SPINK1: variants seen among roughly 807,000 people sequenced by gnomAD.
SPINK1 encodes serine peptidase inhibitor Kazal type 1.
A neutral mutation model predicts 9.5 loss-of-function variants in SPINK1; 5 were observed. The observed-to-expected ratio is 0.52, with a 90% confidence interval of 0.27 to 1.10. The LOEUF is 1.10. Ranked by LOEUF, SPINK1 falls within the 50% of genes least tolerant of loss-of-function variation. The pLI is 0.11. For missense variants in SPINK1, 88 were observed against 92.7 expected, an observed-to-expected ratio of 0.95 and a Z score of 0.21; for synonymous variants, 37 against 32.3, an observed-to-expected ratio of 1.14 and a Z score of -0.49.
upstream of SPINK1, chr5:147,831,860 C>T: frequency 6.3e-6 from 8 of 1,275,388 alleles, no homozygotes; most frequent in Non-Finnish European, 8.1e-6. Flanking sequence ...TAGTTTGATC[C>T]CTAACTCCCT....
chr5:147,837,390 T>A, the SPINK1 span, among the ~76,000 whole-genome samples: 1 of 152,178 alleles, frequency 6.6e-6, no homozygotes, highest in Non-Finnish European at 1.5e-5. Flanking sequence ...AATTAGGGAC[T>A]GTGGACCTGT....
At chr5:147,825,353 G>A (rs988875588) in intron 3 of SPINK1, among the ~76,000 whole-genome samples, 10 of 151,536 alleles carry the variant, frequency 6.6e-5, no homozygotes, top group Admixed American at 1.3e-4. Context: ...TTGAATGTAC[G>A]GGCTTACAAA....
At chr5:147,827,815 TA>T in intron 3 of SPINK1, 2 of 464,774 alleles carry the variant, frequency 4.3e-6, no homozygotes, top group African/African-American at 2.0e-5. Flanking sequence ...TATTTTGCTG[TA>T]AAAAATATAG....
At chr5:147,825,343 T>C (rs1000137873) in intron 3 of SPINK1, among the ~76,000 whole-genome samples, 3 of 152,172 alleles carry the variant, frequency 2.0e-5, no homozygotes, top group Admixed American at 1.3e-4. Context: ...CATTTTTTCT[T>C]TGAATGTACG....
upstream of SPINK1, among the ~76,000 whole-genome samples, chr5:147,832,426 A>C (rs914192480): frequency 6.6e-6 from 1 of 152,146 alleles, no homozygotes; most frequent in Non-Finnish European, 1.5e-5. Context: ...GTTTCAGACT[A>C]TCTTTTTAAG....
At chr5:147,835,085 A>G (rs1464665701), upstream of SPINK1, among the ~76,000 whole-genome samples, 1 of 152,098 alleles carries the variant, frequency 6.6e-6, no homozygotes, top group African/African-American at 2.4e-5. Flanking sequence ...AATTTGTGAT[A>G]GGGAATGGCC....
chr5:147,831,168 A>G (rs953399734), intron 1 of SPINK1, among the ~76,000 whole-genome samples: 7 of 152,204 alleles, frequency 4.6e-5, no homozygotes, highest in African/African-American at 1.2e-4. Flanking sequence ...ATGCAATCCC[A>G]TGAGAATTTA....
At chr5:147,837,492 G>C in the SPINK1 span, among the ~76,000 whole-genome samples, 7 of 152,124 alleles carry the variant, frequency 4.6e-5, no homozygotes, top group Non-Finnish European at 1.0e-4. Flanking sequence ...GGGTTAATAA[G>C]TGCCTGTGCC....
chr5:147,826,037 A>G (rs1756397887), intron 3 of SPINK1, among the ~76,000 whole-genome samples: 1 of 152,242 alleles, frequency 6.6e-6, no homozygotes, highest in Non-Finnish European at 1.5e-5. Flanking sequence ...TAGACAGCAT[A>G]AACATAGAAC....
chr5:147,830,011 A>G (rs1379871077), intron 1 of SPINK1, among the ~76,000 whole-genome samples: 3 of 152,218 alleles, frequency 2.0e-5, no homozygotes, highest in South Asian at 2.1e-4. Flanking sequence ...TAATCTCACA[A>G]TTAGTGAAGT....
upstream of SPINK1, among the ~76,000 whole-genome samples, chr5:147,835,569 T>C (rs565482625): frequency 6.6e-6 from 1 of 152,244 alleles, no homozygotes; most frequent in Non-Finnish European, 1.5e-5. Flanking sequence ...TGCATGTCTA[T>C]CTTTGGGAAC....
chr5:147,826,470 C>A (rs1034180401), intron 3 of SPINK1, among the ~76,000 whole-genome samples: 1 of 152,112 alleles, frequency 6.6e-6, no homozygotes, highest in Non-Finnish European at 1.5e-5. Flanking sequence ...AGCAGAAACT[C>A]GGAGGTTTCA....
intron 1 of SPINK1, 112 bp downstream of exon 1, chr5:147,831,411 C>T: frequency 7.2e-7 from 1 of 1,396,056 alleles, no homozygotes; most frequent in Non-Finnish European, 9.9e-7. Flanking sequence ...CTCATTAGGT[C>T]CAAAACATCT....
Position 147,828,146 on chromosome 5 carries a change from C to T in SPINK1, c.88-18G>A, listed in dbSNP as rs1561605376. The T allele has an allele frequency of 2.5e-6, 4 of 1,578,694 alleles. No individual in the cohort carries two copies. The highest frequency in any genetic ancestry group is 3.5e-6 in the Non-Finnish European group (4 of 1,149,934). On this transcript the variant is annotated intron_variant, in intron 2 of 3. Coordinates refer to ENST00000296695, the MANE Select transcript of SPINK1 (RefSeq NM_001379610.1). Reference sequence around the variant, plus strand: ...CATTTGGCCTAAAAATGGAATTAAACAGAATCATTTCCCATTATTCTCCAT... The same window carrying T: ...CATTTGGCCTAAAAATGGAATTAAATAGAATCATTTCCCATTATTCTCCAT...
At chr5:147,834,360 T>C (rs1756559505), upstream of SPINK1, among the ~76,000 whole-genome samples, 1 of 152,184 alleles carries the variant, frequency 6.6e-6, no homozygotes, top group Non-Finnish European at 1.5e-5. Flanking sequence ...TTCGGCCTTT[T>C]ATTCATTCAA....
intron 2 of SPINK1, among the ~76,000 whole-genome samples, chr5:147,828,895 ATT>A (rs34409032): frequency 4.1e-5 from 6 of 146,212 alleles, no homozygotes; most frequent in African/African-American, 5.0e-5. Flanking sequence ...ACTAACACTC[ATT>A]TTTTTTTTTT....
upstream of SPINK1, among the ~76,000 whole-genome samples, chr5:147,834,539 T>C (rs1182153912): frequency 6.6e-6 from 1 of 152,146 alleles, no homozygotes. Context: ...TTGGTTCTTT[T>C]CATCTCAAAT....
At chr5:147,837,167 C>A in the SPINK1 span, among the ~76,000 whole-genome samples, 4 of 152,072 alleles carry the variant, frequency 2.6e-5, no homozygotes, top group Non-Finnish European at 5.9e-5. Context: ...GTTATATGTG[C>A]AGTTCAGAAA....
the SPINK1 span, among the ~76,000 whole-genome samples, chr5:147,839,071 T>C: frequency 1.3e-5 from 2 of 152,176 alleles, no homozygotes; most frequent in African/African-American, 4.8e-5. Context: ...GCGTACTTTA[T>C]AAAGGAAAGA....
Sources: allele counts gnomAD v4.1 joint callset (sites outside exome capture counted in the v4.1 genomes callset), GRCh38; gene constraint gnomAD v4.1.1; transcripts MANE v1.5; gene names NCBI Gene and HGNC (gene_info 2026-07-23, HGNC 2026-07-21).